Variants in KTN1 observed in about 807,000 individuals in gnomAD.
KTN1 encodes the protein kinectin 1, also known as kinectin.
Under a neutral mutation model 222.5 loss-of-function variants are expected in KTN1, and 130 were observed. The ratio of observed to expected loss-of-function variants is 0.58; its 90% CI spans 0.51 to 0.68. The LOEUF is 0.68. Among genes scored for constraint, KTN1 ranks in the 30% least tolerant of loss-of-function variants. KTN1 has a pLI of 0.00. For synonymous variants in KTN1, 512 were observed against 496.3 expected (o/e 1.03, Z -0.42); for missense variants, 1,508 against 1,500.4 (o/e 1.01, Z -0.08).
chr14:55,589,325 G>A (rs960232781), intron 1 of KTN1, among the ~76,000 whole-genome samples: 2 of 151,938 alleles, frequency 1.3e-5, no homozygotes, highest in Non-Finnish European at 2.9e-5. Context: ...TTGAAACGGC[G>A]TCTCGCTCTG....
rs978334479 is a variant in KTN1 at position 55,653,386 on chromosome 14, A to G, written c.2764-173A>G. Among the ~76,000 whole-genome samples the G allele has an allele frequency of 2.6e-5, 4 of 152,190 alleles. No individual in the cohort carries two copies. The East Asian group carries it at 7.7e-4, about 29-fold the overall frequency. On this transcript the variant is annotated intron_variant, in intron 27 of 43. Transcript: ENST00000395314. ...TCTTTAATCTTTTAATAAGTATGAAAAATTGTTTAATAAAACTCATTCTGT... is the reference window on the plus strand; with the variant it reads ...TCTTTAATCTTTTAATAAGTATGAAGAATTGTTTAATAAAACTCATTCTGT...
chr14:55,630,894 CAA>C (rs2040427570), intron 7 of KTN1, among the ~76,000 whole-genome samples: 3 of 152,082 alleles, frequency 2.0e-5, no homozygotes, highest in Non-Finnish European at 2.9e-5. Context: ...TTTGAGTATA[CAA>C]AGAGTTAGTT....
intron 20 of KTN1, 132 bp from the exon 21 acceptor site, chr14:55,648,670 A>G: frequency 2.9e-6 from 2 of 679,794 alleles, no homozygotes; most frequent in South Asian, 3.4e-5. Flanking sequence ...ATAGACATGG[A>G]AAAAAGTGAG....
At chr14:55,644,411 A>G in intron 18 of KTN1, 1 of 702,522 alleles carries the variant, frequency 1.4e-6, no homozygotes, top group South Asian at 1.5e-5. Context: ...TTGTTTCTTC[A>G]GGTGTAGGAA....
chr14:55,643,179 G>T (rs1035229489), intron 18 of KTN1, among the ~76,000 whole-genome samples: 1 of 151,988 alleles, frequency 6.6e-6, no homozygotes, highest in Admixed American at 6.6e-5. Flanking sequence ...CAAAGTGCTG[G>T]GATTACAGAT....
chr14:55,637,463 C>A, intron 11 of KTN1, 99 bp downstream of exon 11: 1 of 841,680 alleles, frequency 1.2e-6, no homozygotes, highest in Non-Finnish European at 1.8e-6. Flanking sequence ...TATCCTAATT[C>A]TGAAATGATG....
At chr14:55,681,338 A>G (rs1309693941) in intron 43 of KTN1, 2 of 152,282 alleles carry the variant, frequency 1.3e-5, no homozygotes, top group Non-Finnish European at 2.9e-5. Context: ...AGCTTAAACA[A>G]TTAAAAGATT....
Position 55,675,919 on chromosome 14 carries a change from G to GT in KTN1, c.3855+2dup. 6.2e-7 allele frequency: 1 copy of GT among 1,607,692 alleles called. No homozygotes were observed. Among genetic ancestry groups the GT allele is most frequent in the East Asian group, 2.2e-5 (1 of 44,758 alleles). On this transcript the variant is annotated splice_donor_variant, in intron 41 of 43. Transcript: ENST00000395314. LOFTEE classifies it high-confidence loss of function. Reference sequence around the variant, plus strand: ...GAAGGTAGCTGGTGATTTGCATAAGGTAGGCACTGTTCGTCCTAGAGATGT... The same window carrying GT: ...GAAGGTAGCTGGTGATTTGCATAAGGTTAGGCACTGTTCGTCCTAGAGATGT...
chr14:55,672,914 T>C lies in KTN1; in HGVS notation c.3604-15T>C. The C allele has an allele frequency of 6.2e-7, 1 of 1,604,440 alleles. No individual in the cohort carries two copies. The highest frequency in any genetic ancestry group is 8.5e-7 in the Non-Finnish European group (1 of 1,172,054). The stretch of plus-strand genomic sequence containing the variant: ...AATTTTAAGTGTGTTAACTTTTCCT[T>C]TGTTGCATTGCTAGCTGAGAAGAGA... On this transcript the variant is annotated splice_polypyrimidine_tract_variant and intron_variant, in intron 38 of 43. Transcript: ENST00000395314.
chr14:55,649,510 A>G (rs1289234907), intron 21 of KTN1, among the ~76,000 whole-genome samples: 3 of 152,178 alleles, frequency 2.0e-5, no homozygotes, highest in Admixed American at 1.3e-4. Context: ...TGTTTTCTCT[A>G]TGGTTGGAAT....
At chr14:55,583,744 C>T (rs1178735999) in intron 1 of KTN1, among the ~76,000 whole-genome samples, 1 of 152,160 alleles carries the variant, frequency 6.6e-6, no homozygotes, top group Non-Finnish European at 1.5e-5. Flanking sequence ...ATCTCCAACC[C>T]AGACTTTCCA....
intron 5 of KTN1, among the ~76,000 whole-genome samples, chr14:55,624,833 T>TGGAGG (rs2039595649): frequency 6.6e-6 from 1 of 152,078 alleles, no homozygotes; most frequent in Non-Finnish European, 1.5e-5. Flanking sequence ...GTAACATGCT[T>TGGAGG]TAGAGATGTC....
intron 12 of KTN1, among the ~76,000 whole-genome samples, chr14:55,638,872 C>T (rs1024914997): frequency 6.6e-6 from 1 of 151,798 alleles, no homozygotes; most frequent in Admixed American, 6.6e-5. Context: ...AGAAGAAACA[C>T]AGGATGACAA....
intron 1 of KTN1, among the ~76,000 whole-genome samples, chr14:55,605,141 C>T (rs577123203): frequency 1.4e-3 from 215 of 152,208 alleles, no homozygotes; most frequent in African/African-American, 4.9e-3. Context: ...CAGATAGTTG[C>T]GTTTTCTTAT....
At chr14:55,615,176 A>G (rs1459307505) in intron 2 of KTN1, among the ~76,000 whole-genome samples, 2 of 152,158 alleles carry the variant, frequency 1.3e-5, no homozygotes, top group African/African-American at 4.8e-5. Flanking sequence ...TATTTTATTT[A>G]TTTTTATTGT....
intron 35 of KTN1, 109 bp from the exon 36 acceptor site, chr14:55,671,457 A>C: frequency 1.4e-6 from 1 of 711,672 alleles, no homozygotes; most frequent in Non-Finnish European, 2.3e-6. Flanking sequence ...TTCCTTATAA[A>C]ACACTTTGAA....
chr14:55,664,936 T>C (rs2044548070), intron 33 of KTN1, among the ~76,000 whole-genome samples: 1 of 152,092 alleles, frequency 6.6e-6, no homozygotes, highest in Non-Finnish European at 1.5e-5. Context: ...ATTGAATCTT[T>C]AATATAAGTC....
intron 2 of KTN1, among the ~76,000 whole-genome samples, chr14:55,615,752 G>A (rs1484643161): frequency 6.6e-6 from 1 of 152,082 alleles, no homozygotes; most frequent in African/African-American, 2.4e-5. Flanking sequence ...GATGTGGGAT[G>A]CTGGGAATTA....
At chr14:55,602,323 G>A (rs1329261793) in intron 1 of KTN1, among the ~76,000 whole-genome samples, 1 of 152,200 alleles carries the variant, frequency 6.6e-6, no homozygotes, top group African/African-American at 2.4e-5. Flanking sequence ...AGAACTAGCT[G>A]TAGACATGGT....
Sources: allele counts gnomAD v4.1 joint callset (sites outside exome capture counted in the v4.1 genomes callset), GRCh38; gene constraint gnomAD v4.1.1; transcripts MANE v1.5; gene names NCBI Gene and HGNC (gene_info 2026-07-23, HGNC 2026-07-21).